The following NCK2 variants were observed in gnomAD, a reference collection of about 807,000 sequenced individuals.
NCK2 encodes cytoplasmic protein NCK2.
Under a neutral mutation model 33.9 loss-of-function variants are expected in NCK2, and 16 were observed. The ratio of observed to expected loss-of-function variants is 0.47; its 90% confidence interval spans 0.32 to 0.72. The LOEUF (loss-of-function observed/expected upper bound fraction) is 0.72, where lower values mean the gene tolerates loss of function less well. Ranked by LOEUF, NCK2 falls within the 30% of genes least tolerant of loss-of-function variation. The pLI is 0.03. For synonymous variants in NCK2, 273 were observed against 239.9 expected, an observed-to-expected ratio of 1.14 and a Z score of -1.27; for missense variants, 418 against 537.3, an observed-to-expected ratio of 0.78 and a Z score of 2.19.
intron 1 of NCK2, among the ~76,000 whole-genome samples, chr2:105,806,554 T>C (rs1005604389): frequency 6.6e-6 from 1 of 152,210 alleles, no homozygotes; most frequent in Non-Finnish European, 1.5e-5. Flanking sequence ...ATTCTCTTCA[T>C]TCATCAGTGG....
intron 2 of NCK2, among the ~76,000 whole-genome samples, chr2:105,837,672 G>A (rs906265570): frequency 6.6e-6 from 1 of 152,134 alleles, no homozygotes; most frequent in African/African-American, 2.4e-5. Context: ...TACAAGATAA[G>A]CCCACATTGG....
chr2:105,880,502 G>C (rs1678426691), intron 3 of NCK2, among the ~76,000 whole-genome samples: 1 of 152,130 alleles, frequency 6.6e-6, no homozygotes, highest in Non-Finnish European at 1.5e-5. Flanking sequence ...GGTGAGGGTG[G>C]GGGCAGTGAG....
At chr2:105,807,771 C>CCTCCCTCCCTTCTCTCT (rs1675121218) in intron 1 of NCK2, among the ~76,000 whole-genome samples, 1 of 82,940 alleles carries the variant, frequency 1.2e-5, no homozygotes, top group African/African-American at 5.2e-5. Flanking sequence ...CCCTTCTCTC[C>CCTCCCTCCCTTCTCTCT]CTCCCTCCCT....
intron 2 of NCK2, among the ~76,000 whole-genome samples, chr2:105,817,706 A>G (rs959316553): frequency 1.3e-5 from 2 of 152,220 alleles, no homozygotes; most frequent in Non-Finnish European, 2.9e-5. Context: ...CATCAGAGAA[A>G]TGCAAATCAA....
intron 1 of NCK2, among the ~76,000 whole-genome samples, chr2:105,791,506 C>G (rs1282184544): frequency 6.6e-6 from 1 of 152,230 alleles, no homozygotes; most frequent in Admixed American, 6.5e-5. Context: ...GCAGATTACT[C>G]TTCGCTCACT....
At position 105,762,417 on chromosome 2, in the gene NCK2, CT is replaced by C. The variant is rs139539814; in HGVS notation, c.-201+17280del. ...CTGCTTTGAAAGGGGTTCAGTCTGT[CT>C]CTTCTGTAGTCTGGACTCTGGAATC... is the stretch of plus-strand genomic sequence containing the variant. On this transcript the variant is annotated intron_variant, in intron 1 of 4. Transcript: ENST00000233154. Among the ~76,000 whole-genome samples, 815 of 152,290 alleles carry C rather than the reference CT, an allele frequency of 5.4e-3. 8 individuals carry two copies. Among genetic ancestry groups the C allele is most frequent in the African/African-American group, 0.018 (768 of 41,562 alleles).
In NCK2 at chr2:105,870,687, G is replaced by A. The variant is rs561840398; in HGVS notation, c.227-10641G>A. Among the ~76,000 whole-genome samples the A allele has an allele frequency of 7.9e-5, 12 of 152,254 alleles. No homozygotes were observed. In the South Asian group the frequency reaches 2.1e-3, roughly 26 times the overall value. ...CAAGAATCGCTTGAACCTGGGAGGC[G>A]GAGGTTGCAGCCAAGATCGCGCCAC... On this transcript the variant is annotated intron_variant, in intron 3 of 4. Coordinates refer to ENST00000233154, the MANE Select transcript of NCK2 (RefSeq NM_003581.5).
At chr2:105,764,103 G>A (rs553283497) in intron 1 of NCK2, among the ~76,000 whole-genome samples, 1 of 152,332 alleles carries the variant, frequency 6.6e-6, no homozygotes, top group East Asian at 1.9e-4. Context: ...CAATTTGTCC[G>A]AGTGCTAGTC....
intron 1 of NCK2, among the ~76,000 whole-genome samples, chr2:105,776,199 A>G (rs1249354979): frequency 6.6e-6 from 1 of 152,186 alleles, no homozygotes; most frequent in East Asian, 1.9e-4. Context: ...GTACGTTGCT[A>G]CAGTGTCCTG....
intron 4 of NCK2, among the ~76,000 whole-genome samples, chr2:105,887,937 G>T (rs1333726693): frequency 6.6e-6 from 1 of 152,218 alleles, no homozygotes; most frequent in Admixed American, 6.5e-5. Context: ...GAGATGAGGT[G>T]TAAGAATTAC....
intron 4 of NCK2, among the ~76,000 whole-genome samples, chr2:105,883,374 T>G (rs546519438): frequency 1.2e-4 from 19 of 152,304 alleles, no homozygotes; most frequent in Admixed American, 5.2e-4. Context: ...GAAAACCAAT[T>G]ACAATATTAA....
At chr2:105,887,608 C>T (rs1419251358) in intron 4 of NCK2, among the ~76,000 whole-genome samples, 14 of 152,278 alleles carry the variant, frequency 9.2e-5, no homozygotes, top group South Asian at 2.1e-4. Flanking sequence ...CCCTCCCTCC[C>T]GTTTCCTCAT....
In NCK2 at chr2:105,891,532, A is replaced by ATT. The variant is rs757598660; in HGVS notation, c.949-1415_949-1414dup. Among the ~76,000 whole-genome samples the ATT allele has an allele frequency of 6.6e-3, 537 of 81,318 alleles. 41 individuals carry two copies. Among genetic ancestry groups the ATT allele is most frequent in the Non-Finnish European group, 9.6e-3 (435 of 45,378 alleles). The allele number at this position is 81,318 out of a possible 152,430, so 53.3% of individuals were successfully genotyped here. A position where few individuals can be genotyped will look rare whatever the true frequency, so the allele number is the denominator to read the frequency against. On this transcript the variant is annotated intron_variant, in intron 4 of 4. Transcript: ENST00000233154. ...TTTCAGCAAATGAGATAAAAGACCAATTTTTTTTTTTTTTTTTTTTTTTTT... is the reference window on the plus strand; with the variant it reads ...TTTCAGCAAATGAGATAAAAGACCAATTTTTTTTTTTTTTTTTTTTTTTTTTT...
chr2:105,805,039 C>T (rs1294071184), intron 1 of NCK2, among the ~76,000 whole-genome samples: 1 of 152,162 alleles, frequency 6.6e-6, no homozygotes, highest in Non-Finnish European at 1.5e-5. Context: ...CATGGGCCTC[C>T]CCATATGGGT....
chr2:105,830,687 G>GTGTGTGTGTGTGTGTGTGTA (rs2104520675), intron 2 of NCK2, among the ~76,000 whole-genome samples: 1 of 132,138 alleles, frequency 7.6e-6, no homozygotes, highest in South Asian at 2.7e-4. Context: ...GTGTGTGTGT[G>GTGTGTGTGTGTGTGTGTGTA]TGTGTGTGTG....
intron 2 of NCK2, among the ~76,000 whole-genome samples, chr2:105,843,548 TGTG>T (rs1210117429): frequency 2.6e-5 from 4 of 152,158 alleles, no homozygotes; most frequent in African/African-American, 7.2e-5. Flanking sequence ...CAGAGCATCT[TGTG>T]GTGCCAGAAA....
intron 1 of NCK2, among the ~76,000 whole-genome samples, chr2:105,779,877 A>C (rs1460228417): frequency 2.0e-5 from 3 of 152,068 alleles, no homozygotes; most frequent in African/African-American, 7.2e-5. Context: ...TATGGGGAAA[A>C]CAGCCTGAAT....
At chr2:105,843,980 G>C (rs1425220559) in intron 2 of NCK2, among the ~76,000 whole-genome samples, 1 of 152,156 alleles carries the variant, frequency 6.6e-6, no homozygotes, top group African/African-American at 2.4e-5. Flanking sequence ...TCAGCAGTCT[G>C]CAGTCCTAAG....
chr2:105,779,080 G>A (rs1260843845), intron 1 of NCK2, among the ~76,000 whole-genome samples: 1 of 152,184 alleles, frequency 6.6e-6, no homozygotes, highest in Non-Finnish European at 1.5e-5. Flanking sequence ...GCTGAGGCAG[G>A]TGGATCACTT....
Sources: allele counts gnomAD v4.1 joint callset (sites outside exome capture counted in the v4.1 genomes callset), GRCh38; gene constraint gnomAD v4.1.1; transcripts MANE v1.5; gene names NCBI Gene and HGNC (gene_info 2026-07-23, HGNC 2026-07-21).